PTK2: variants seen among roughly 807,000 people sequenced by gnomAD.
PTK2 encodes the protein protein tyrosine kinase 2.
In PTK2, 45 loss-of-function variants were observed where a neutral mutation model predicts 150.1. The observed-to-expected ratio is 0.30, with a 90% CI of 0.24 to 0.38. The LOEUF is 0.38. Among genes scored for constraint, PTK2 ranks in the 10% least tolerant of loss-of-function variants. PTK2 has a pLI of 1.00. For synonymous variants in PTK2, 432 were observed against 449.2 expected (o/e 0.96, Z 0.48); for missense variants, 919 against 1,307.3 (o/e 0.70, Z 4.58).
chr8:140,857,415 T>C (rs2100133342), intron 5 of PTK2, among the ~76,000 whole-genome samples: 1 of 152,220 alleles, frequency 6.6e-6, no homozygotes, highest in East Asian at 1.9e-4. Flanking sequence ...GGGGCCTTTG[T>C]ATCAAATCCA....
intron 1 of PTK2, chr8:140,940,749 G>A (rs1039228144): frequency 6.6e-6 from 1 of 152,226 alleles, no homozygotes; most frequent in African/African-American, 2.4e-5. Context: ...GGCTGAGGCA[G>A]GCAGATCACC....
intron 30 of PTK2, among the ~76,000 whole-genome samples, chr8:140,665,944 A>C (rs2090972119): frequency 6.6e-6 from 1 of 152,240 alleles, no homozygotes; most frequent in Non-Finnish European, 1.5e-5. Flanking sequence ...AGAATGGATT[A>C]ACTGTGCTTT....
rs753294699 is a variant in PTK2, at chr8:140,706,224, A to C, written c.2143-19T>G. ...TGCTGGGCTGTAAAATCAAGAGAGCATCATATGAATGAACCTTTTGATTTT... is the reference window on the plus strand; with the variant it reads ...TGCTGGGCTGTAAAATCAAGAGAGCCTCATATGAATGAACCTTTTGATTTT... On this transcript the variant is annotated intron_variant, in intron 23 of 31. Coordinates refer to ENST00000522684, the Ensembl canonical transcript of PTK2. The C allele has an allele frequency of 6.4e-7, 1 of 1,572,036 alleles. No homozygotes were observed. Among genetic ancestry groups the C allele is most frequent in the East Asian group, 2.2e-5 (1 of 44,624 alleles).
At chr8:140,676,413 A>AATAAATATAT (rs1554666252) in intron 27 of PTK2, among the ~76,000 whole-genome samples, 3 of 99,414 alleles carry the variant, frequency 3.0e-5, no homozygotes, top group African/African-American at 1.6e-4. Context: ...TTAATTAATT[A>AATAAATATAT]ATATATATAT....
At chr8:140,869,582 T>C (rs767270575) in intron 4 of PTK2, among the ~76,000 whole-genome samples, 1 of 150,220 alleles carries the variant, frequency 6.7e-6, no homozygotes, top group African/African-American at 2.5e-5. Flanking sequence ...GTAAAACCTT[T>C]TTTTTTTAAG....
intron 29 of PTK2, chr8:140,668,920 C>T (rs1306744665): frequency 6.4e-6 from 1 of 155,282 alleles, no homozygotes; most frequent in East Asian, 1.9e-4. Flanking sequence ...GTTCTTTGTA[C>T]AATTATAAAA....
chr8:140,671,860 A>T (rs1431940936), intron 29 of PTK2, among the ~76,000 whole-genome samples: 2 of 139,260 alleles, frequency 1.4e-5, no homozygotes, highest in Non-Finnish European at 3.1e-5. Flanking sequence ...TGAACCCGGG[A>T]GGCGGAGCTT....
At chr8:140,789,292 A>C (rs190120699) in intron 14 of PTK2, among the ~76,000 whole-genome samples, 182 bp downstream of exon 14, 220 of 152,172 alleles carry the variant, frequency 1.4e-3, no homozygotes, top group African/African-American at 4.6e-3. Context: ...AAAAAAAAAA[A>C]AAAAAACTAT....
At chr8:140,661,531 G>C (rs1161656446) in intron 31 of PTK2, among the ~76,000 whole-genome samples, 1 of 152,198 alleles carries the variant, frequency 6.6e-6, no homozygotes, top group Non-Finnish European at 1.5e-5. Flanking sequence ...AGCTCAGGGC[G>C]GGGTTCTATA....
chr8:140,669,786 G>C, intron 29 of PTK2, 51 bp from the exon 33 acceptor site: 1 of 1,499,922 alleles, frequency 6.7e-7, no homozygotes, highest in South Asian at 1.2e-5. Flanking sequence ...ATCAGAGAAA[G>C]GGAAAAAAGA....
intron 22 of PTK2, among the ~76,000 whole-genome samples, chr8:140,733,631 C>T (rs2100050847): frequency 6.6e-6 from 1 of 152,044 alleles, no homozygotes; most frequent in South Asian, 2.1e-4. Context: ...AAAGCATGTC[C>T]AAAAGCCAGC....
chr8:140,803,781 C>A (rs895243437), intron 10 of PTK2, 131 bp from the exon 11 acceptor site: 59 of 786,350 alleles, frequency 7.5e-5, no homozygotes, highest in African/African-American at 6.8e-4. Context: ...GGGAAAAAAA[C>A]AGATTCTCCA....
intron 6 of PTK2, 54 bp downstream of exon 6, chr8:140,846,545 A>G (rs1181677926): frequency 2.1e-6 from 3 of 1,400,856 alleles, no homozygotes; most frequent in Middle Eastern, 1.9e-4. Context: ...AAAATATTCA[A>G]AAATAATTAA....
At chr8:140,972,106 T>C (rs1456023544) in intron 1 of PTK2, among the ~76,000 whole-genome samples, 1 of 152,204 alleles carries the variant, frequency 6.6e-6, no homozygotes, top group East Asian at 1.9e-4. Context: ...CATTAAGAGA[T>C]GAACACTTGT....
At chr8:140,954,270 G>A (rs1012947953) in intron 1 of PTK2, among the ~76,000 whole-genome samples, 5 of 152,044 alleles carry the variant, frequency 3.3e-5, no homozygotes, top group East Asian at 1.9e-4. Flanking sequence ...ATGAGCCACC[G>A]CACCCAGCCA....
At chr8:140,691,299 CAA>C (rs1440060558) in intron 26 of PTK2, among the ~76,000 whole-genome samples, 1 of 152,028 alleles carries the variant, frequency 6.6e-6, no homozygotes, top group Non-Finnish European at 1.5e-5. Context: ...ATTACTAAGT[CAA>C]AGAGTTTGAA....
intron 22 of PTK2, among the ~76,000 whole-genome samples, chr8:140,719,574 C>T (rs1307453075): frequency 6.6e-6 from 1 of 152,198 alleles, no homozygotes; most frequent in African/African-American, 2.4e-5. Context: ...ATGAGAGCAT[C>T]TGCTATAAGC....
chr8:140,780,695 G>A (rs1412608012), intron 14 of PTK2, among the ~76,000 whole-genome samples: 3 of 152,196 alleles, frequency 2.0e-5, no homozygotes, highest in Non-Finnish European at 4.4e-5. Context: ...ATATGAAAAT[G>A]GGACAATCAG....
At position 140,686,616 on chromosome 8, in the gene PTK2, GA is replaced by G. The variant is rs1564365017; in HGVS notation, c.2562+15del. The G allele has an allele frequency of 4.4e-6, 7 of 1,607,840 alleles. No homozygotes were observed. The highest frequency in any genetic ancestry group is 6.0e-6 in the Non-Finnish European group (7 of 1,174,464). On this transcript the variant is annotated intron_variant, in intron 27 of 31. Transcript: ENST00000522684. ...GGAGAACTGGAAATCAAATCCTGCT[GA>G]AAACTCAGGCTTACCGGACCCTGAA...
Sources: gnomAD v4.1 joint callset for allele counts (sites outside exome capture counted in the v4.1 genomes callset) on GRCh38, gnomAD v4.1.1 for gene constraint, MANE v1.5 for transcripts, NCBI Gene and HGNC (gene_info 2026-07-23, HGNC 2026-07-21) for gene names.